The following PDE8B variants were observed in gnomAD, a reference collection of about 807,000 sequenced individuals.
PDE8B encodes the protein high affinity cAMP-specific and IBMX-insensitive 3',5'-cyclic phosphodiesterase 8B.
In PDE8B, 26 loss-of-function variants were observed where a neutral mutation model predicts 101.3. The ratio of observed to expected loss-of-function variants is 0.26; its 90% confidence interval spans 0.19 to 0.36. The LOEUF (loss-of-function observed/expected upper bound fraction) is 0.36. Ranked by LOEUF, PDE8B falls within the 10% of genes least tolerant of loss-of-function variation. PDE8B has a pLI of 1.00. For synonymous variants in PDE8B, 424 were observed against 429.3 expected, an observed-to-expected ratio of 0.99 and a Z score of 0.15; for missense variants, 810 against 1,163.1, an observed-to-expected ratio of 0.70 and a Z score of 4.42.
At chr5:77,291,287 C>G in intron 1 of PDE8B, 1 of 1,613,056 alleles carries the variant, frequency 6.2e-7, no homozygotes. Flanking sequence ...CTAATGTTCT[C>G]TATGGGCCAC....
intron 20 of PDE8B, among the ~76,000 whole-genome samples, 194 bp from the exon 21 acceptor site, chr5:77,425,573 G>T (rs984937003): frequency 6.6e-6 from 1 of 152,262 alleles, no homozygotes; most frequent in Non-Finnish European, 1.5e-5. Flanking sequence ...AAAGAGGCTT[G>T]AGAGTGGGAA....
At chr5:77,417,963 C>T (rs750035419) in intron 17 of PDE8B, among the ~76,000 whole-genome samples, 3 of 151,868 alleles carry the variant, frequency 2.0e-5, no homozygotes, top group African/African-American at 2.4e-5. Flanking sequence ...CTTGTTTGGC[C>T]TCTTCCTGCA....
intron 10 of PDE8B, among the ~76,000 whole-genome samples, chr5:77,398,317 ACTT>A (rs1307632789): frequency 9.5e-6 from 1 of 105,160 alleles, no homozygotes; most frequent in African/African-American, 3.7e-5. Context: ...AAGCTGTTTT[ACTT>A]TTTTTTTTTT....
intron 1 of PDE8B, among the ~76,000 whole-genome samples, chr5:77,212,814 A>C (rs145706885): frequency 1.4e-4 from 22 of 152,288 alleles, no homozygotes; most frequent in African/African-American, 5.3e-4. Flanking sequence ...GAAAATGTTA[A>C]ATTTGGTGAA....
At chr5:77,290,754 A>G in intron 1 of PDE8B, 1 of 1,494,118 alleles carries the variant, frequency 6.7e-7, no homozygotes, top group Non-Finnish European at 9.3e-7. Flanking sequence ...GGTTGGAATC[A>G]TCACGGCATT....
At chr5:77,154,024 G>A in the PDE8B span, among the ~76,000 whole-genome samples, 9 of 152,206 alleles carry the variant, frequency 5.9e-5, no homozygotes, top group Admixed American at 2.6e-4. Context: ...GATATGGATT[G>A]TAGCCATAAA....
chr5:77,408,840 T>C, intron 13 of PDE8B, 53 bp from the exon 14 acceptor site: 2 of 1,433,376 alleles, frequency 1.4e-6, no homozygotes, highest in Middle Eastern at 1.7e-4. Context: ...TATATGACTT[T>C]TGGGAAGTAG....
chr5:77,133,912 C>A, the PDE8B span, among the ~76,000 whole-genome samples: 4 of 152,118 alleles, frequency 2.6e-5, no homozygotes, highest in African/African-American at 9.7e-5. Context: ...CTATATTGGG[C>A]CTTCTGTCCT....
At chr5:77,239,684 G>C (rs1033987394) in intron 1 of PDE8B, among the ~76,000 whole-genome samples, 1 of 152,162 alleles carries the variant, frequency 6.6e-6, no homozygotes, top group Non-Finnish European at 1.5e-5. Flanking sequence ...AATCTCTTAT[G>C]CTTATGTAAC....
At chr5:77,112,661 TG>T in the PDE8B span, 1 of 152,240 alleles carries the variant, frequency 6.6e-6, no homozygotes, top group Non-Finnish European at 1.5e-5. Context: ...TTGGAAGTTC[TG>T]GCTAAGGCAA....
chr5:77,332,237 G>T (rs1344014418), intron 5 of PDE8B, among the ~76,000 whole-genome samples: 3 of 151,996 alleles, frequency 2.0e-5, no homozygotes, highest in Non-Finnish European at 1.5e-5. Flanking sequence ...GAGAAATTGT[G>T]GAAGACCTTA....
chr5:77,149,613 G>T, the PDE8B span, among the ~76,000 whole-genome samples: 4 of 152,016 alleles, frequency 2.6e-5, no homozygotes. Context: ...TCTTTTTGAG[G>T]CTTTGTGAAT....
At chr5:77,236,499 A>G (rs1330498181) in intron 1 of PDE8B, among the ~76,000 whole-genome samples, 6 of 152,220 alleles carry the variant, frequency 3.9e-5, no homozygotes, top group Non-Finnish European at 8.8e-5. Flanking sequence ...TTTCACTTGA[A>G]TGCCAAGTGG....
chr5:77,248,538 A>G (rs1314869414), intron 1 of PDE8B, among the ~76,000 whole-genome samples: 6 of 152,162 alleles, frequency 3.9e-5, no homozygotes, highest in Non-Finnish European at 5.9e-5. Flanking sequence ...TTGCCCCAGT[A>G]TACCTTATCA....
intron 1 of PDE8B, among the ~76,000 whole-genome samples, chr5:77,259,888 G>A (rs1043512068): frequency 2.0e-5 from 3 of 152,162 alleles, no homozygotes; most frequent in South Asian, 2.1e-4. Context: ...TCAGCCGGGC[G>A]TGTTGGCTCA....
At chr5:77,256,696 C>A (rs1482452401) in intron 1 of PDE8B, among the ~76,000 whole-genome samples, 8 of 152,122 alleles carry the variant, frequency 5.3e-5, no homozygotes, top group African/African-American at 9.7e-5. Context: ...ATTCAGACAT[C>A]AACATCACTG....
intron 10 of PDE8B, among the ~76,000 whole-genome samples, chr5:77,372,166 C>T (rs935996022): frequency 6.6e-6 from 1 of 152,134 alleles, no homozygotes. Flanking sequence ...TGCCACTGCA[C>T]TCCAGCCTGG....
rs761230869 is a variant in PDE8B, at chr5:77,331,383, A to G, written c.651-19A>G. 1 of 1,611,924 alleles carries G rather than the reference A, an allele frequency of 6.2e-7. No individual in the cohort carries two copies. The highest frequency in any genetic ancestry group is 1.3e-5 in the African/African-American group (1 of 74,812). ...TGGTTTGTATCTGCTGAGTGACCAC[A>G]TTTTCTGCTTTGCTGCAGATCGGAT... On this transcript the variant is annotated intron_variant, in intron 4 of 21. Transcript: ENST00000264917.
At chr5:77,112,649 T>C in the PDE8B span, 3 of 152,208 alleles carry the variant, frequency 2.0e-5, no homozygotes, top group African/African-American at 7.2e-5. Flanking sequence ...TTCAACATAG[T>C]CTTGGAAGTT....
Sources: allele counts gnomAD v4.1 joint callset (sites outside exome capture counted in the v4.1 genomes callset), GRCh38; gene constraint gnomAD v4.1.1; transcripts MANE v1.5; gene names NCBI Gene and HGNC (gene_info 2026-07-23, HGNC 2026-07-21).